Variants in SCLY observed in about 807,000 individuals in gnomAD.
The protein encoded by SCLY is putative selenocysteine lyase.
A neutral mutation model predicts 50.1 loss-of-function variants in SCLY; 38 were observed. The observed-to-expected ratio is 0.76, with a 90% CI of 0.59 to 0.99. SCLY has a LOEUF of 0.99. SCLY is among the 50% of genes least tolerant of loss of function. SCLY has a pLI of 0.00. For synonymous variants in SCLY, 243 were observed against 249.4 expected (o/e 0.97, Z 0.24); for missense variants, 600 against 620.0 (o/e 0.97, Z 0.34).
intron 4 of SCLY, chr2:238,073,937 C>G (rs998012095): frequency 3.8e-5 from 12 of 315,742 alleles, no homozygotes; most frequent in South Asian, 1.4e-4. Flanking sequence ...ATATAATATA[C>G]AAAATATGTG....
chr2:238,073,737 C>T (rs989663007), intron 4 of SCLY: 1 of 467,572 alleles, frequency 2.1e-6, no homozygotes, highest in African/African-American at 2.0e-5. Context: ...TCTCTACTGT[C>T]TCTGTGACAT....
intron 8 of SCLY, chr2:238,091,540 G>GATACGGCGAC: frequency 2.8e-6 from 1 of 358,378 alleles, no homozygotes; most frequent in South Asian, 4.3e-5. Context: ...GTGTCAAGCT[G>GATACGGCGAC]CAGGTTCACC....
chr2:238,098,739 G>A lies in SCLY; in HGVS notation c.*384G>A, dbSNP rs1251910012. The A allele has an allele frequency of 3.1e-6, 1 of 324,992 alleles. No individual in the cohort carries two copies. Among genetic ancestry groups the A allele is most frequent in the Non-Finnish European group, 5.5e-6 (1 of 180,308 alleles). 20.1% of individuals were successfully genotyped at this position (324,992 alleles called of 1,614,324 possible). On this transcript the variant is annotated 3_prime_UTR_variant, in exon 12 of 12. Coordinates refer to ENST00000254663, the MANE Select transcript of SCLY (RefSeq NM_016510.7). ...ACTGGGAACTGGGCACGCCTGTTGT[G>A]AGTGCCCTTTCCTGGAAGGTGTTTT...
At chr2:238,088,779 A>G (rs572415804) in intron 7 of SCLY, among the ~76,000 whole-genome samples, 1 of 152,376 alleles carries the variant, frequency 6.6e-6, no homozygotes, top group African/African-American at 2.4e-5. Flanking sequence ...AACTTGAAAA[A>G]GAACATCTAC....
intron 8 of SCLY, 59 bp downstream of exon 8, chr2:238,091,313 G>A (rs1349181578): frequency 1.8e-5 from 25 of 1,375,734 alleles, no homozygotes; most frequent in East Asian, 2.3e-5. Context: ...TGTCCCCAGC[G>A]GCTCTAGTAG....
At chr2:238,089,992 C>G (rs1209701832) in intron 7 of SCLY, among the ~76,000 whole-genome samples, 1 of 151,826 alleles carries the variant, frequency 6.6e-6, no homozygotes, top group East Asian at 1.9e-4. Flanking sequence ...TAAGCTAAAT[C>G]TAGGAAAAAA....
rs1482059352 is a variant in SCLY, at chr2:238,066,673, C to T, written c.203-1392C>T. 2.6e-5 allele frequency among the ~76,000 whole-genome samples: 4 copies of T among 152,044 alleles called. No individual in the cohort carries two copies. Among genetic ancestry groups the T allele is most frequent in the Non-Finnish European group, 5.9e-5 (4 of 68,006 alleles). The stretch of plus-strand genomic sequence containing the variant: ...CAGCATTTGCTGGTGGATTAATTGG[C>T]GGGGAATGAAAAGGGAAAGAGCCCA... On this transcript the variant is annotated intron_variant, in intron 2 of 11. Transcript: ENST00000254663. The surrounding 1 kb of genome is among the most constrained non-coding windows in gnomAD (Gnocchi z 4.1).
chr2:238,080,069 C>T (rs1455048074), intron 4 of SCLY: 1 of 152,194 alleles, frequency 6.6e-6, no homozygotes, highest in East Asian at 1.9e-4. Context: ...TACTCTGGAG[C>T]CCCTCCAGTG....
At chr2:238,064,224 G>A in intron 1 of SCLY, 133 bp from the exon 2 acceptor site, 1 of 475,892 alleles carries the variant, frequency 2.1e-6, no homozygotes, top group African/African-American at 2.0e-5. Context: ...GTGGATGCCT[G>A]CAGTGCTTAT....
At position 238,083,479 on chromosome 2, in the gene SCLY, T is replaced by G; in HGVS notation, c.884+125T>G. The G allele has an allele frequency of 1.4e-6, 1 of 713,572 alleles. No homozygotes were observed. 44.2% of individuals were successfully genotyped at this position (713,572 alleles called of 1,614,324 possible). On this transcript the variant is annotated intron_variant, in intron 7 of 11. Transcript: ENST00000254663. This position sits in a 1 kb window ranked among gnomAD's most constrained non-coding sequence, Gnocchi z 4.3. ...AGGCTCTGTAGCATGTCCACACTGC[T>G]GCTGTGTCAGAACTGGCTCCACTGA...
intron 8 of SCLY, chr2:238,091,535 A>ACCACCG: frequency 5.1e-6 from 2 of 395,018 alleles, no homozygotes. Flanking sequence ...GTGAAGTGTC[A>ACCACCG]AGCTGCAGGT....
Position 238,098,185 on chromosome 2 carries a change from G to A in SCLY, c.1185-17G>A, listed in dbSNP as rs368703085. 16 of 1,606,186 alleles carry A rather than the reference G, an allele frequency of 1.0e-5. No individual in the cohort carries two copies. Among genetic ancestry groups the A allele is most frequent in the South Asian group, 2.2e-5 (2 of 90,770 alleles). Reference sequence around the variant, plus strand: ...GTGCCCTCAGCAGCAGCTGCAGCTCGGTCTCGCCCTCCCCAGGCCGTCCCC... The same window carrying A: ...GTGCCCTCAGCAGCAGCTGCAGCTCAGTCTCGCCCTCCCCAGGCCGTCCCC... On this transcript the variant is annotated splice_polypyrimidine_tract_variant and intron_variant, in intron 11 of 11. Coordinates refer to ENST00000254663, the MANE Select transcript of SCLY (RefSeq NM_016510.7).
rs550166548 is a variant in SCLY, at chr2:238,067,323, G to A, written c.203-742G>A. Among the ~76,000 whole-genome samples, 35 of 152,258 alleles carry A rather than the reference G, an allele frequency of 2.3e-4. No homozygotes were observed. The highest frequency in any genetic ancestry group is 7.9e-4 in the African/African-American group (33 of 41,540). On this transcript the variant is annotated intron_variant, in intron 2 of 11. Coordinates refer to ENST00000254663, the MANE Select transcript of SCLY (RefSeq NM_016510.7). This position sits in a 1 kb window ranked among gnomAD's most constrained non-coding sequence, Gnocchi z 4.3. ...ATATTTCTCTTTTTTATGATGTTTC[G>A]TAATAGTATATGTTTTAGCGGTGCC...
chr2:238,088,422 C>T (rs1240595298), intron 7 of SCLY, among the ~76,000 whole-genome samples: 6 of 152,054 alleles, frequency 3.9e-5, no homozygotes, highest in East Asian at 3.9e-4. Context: ...GATGGCAGCA[C>T]CACACTTCAG....
intron 10 of SCLY, chr2:238,094,943 C>T (rs1261331368): frequency 6.0e-6 from 1 of 167,108 alleles, no homozygotes; most frequent in Admixed American, 6.2e-5. Context: ...TGGCTCGTGC[C>T]TGTAATCCTA....
chr2:238,073,930 T>C (rs1384116287), intron 4 of SCLY: 20 of 327,764 alleles, frequency 6.1e-5, no homozygotes, highest in Non-Finnish European at 1.0e-4. Flanking sequence ...ATATAATATA[T>C]AATATACAAA....
chr2:238,075,989 G>A (rs2065168951), intron 4 of SCLY, among the ~76,000 whole-genome samples: 2 of 150,512 alleles, frequency 1.3e-5, no homozygotes, highest in African/African-American at 2.4e-5. Flanking sequence ...TTCCAATAAT[G>A]GAACACCAGG....
chr2:238,065,880 G>T (rs1334298658), intron 2 of SCLY, among the ~76,000 whole-genome samples: 6 of 151,862 alleles, frequency 4.0e-5, no homozygotes, highest in African/African-American at 1.5e-4. Context: ...TCACCATCTT[G>T]GCCAGGCTGG....
chr2:238,072,375 A>AT lies in SCLY; in HGVS notation c.484+2901dup, dbSNP rs1333048386. Among the ~76,000 whole-genome samples the AT allele has an allele frequency of 2.0e-5, 3 of 151,952 alleles. No individual in the cohort carries two copies. The South Asian group carries it at 6.2e-4, about 32-fold the overall frequency. ...TGTTTTAGTGTATTGGTATGTTCTTATTTCTTTTGGGTTTATACTTGAGTG... is the reference window on the plus strand; with the variant it reads ...TGTTTTAGTGTATTGGTATGTTCTTATTTTCTTTTGGGTTTATACTTGAGTG... On this transcript the variant is annotated intron_variant, in intron 4 of 11. Coordinates refer to ENST00000254663, the MANE Select transcript of SCLY (RefSeq NM_016510.7).
Sources: gnomAD v4.1 joint callset for allele counts (sites outside exome capture counted in the v4.1 genomes callset) on GRCh38, gnomAD v4.1.1 for gene constraint, Gnocchi (gnomAD v3.1) non-coding constraint, MANE v1.5 for transcripts, NCBI Gene and HGNC (gene_info 2026-07-23, HGNC 2026-07-21) for gene names.